Variants in UNC13B observed in about 807,000 individuals in gnomAD.
UNC13B encodes unc-13 homolog B.
UNC13B carries 144 observed loss-of-function variants against 211.0 expected under a neutral mutation model. That is an observed-to-expected ratio of 0.68 (90% CI 0.60 to 0.78). The LOEUF is 0.78. Among genes scored for constraint, UNC13B ranks in the 30% least tolerant of loss-of-function variants. The pLI, the probability that UNC13B is intolerant of heterozygous loss-of-function variation, is 0.00. For synonymous variants in UNC13B, 709 were observed against 725.8 expected (o/e 0.98, Z 0.37); for missense variants, 1,777 against 2,002.0 (o/e 0.89, Z 2.14).
In UNC13B at chr9:35,380,457, A is replaced by G; in HGVS notation, c.10206-13A>G. On this transcript the variant is annotated splice_polypyrimidine_tract_variant and intron_variant, in intron 17 of 39. Coordinates refer to ENST00000635942, the MANE Select transcript of UNC13B (RefSeq NM_001371189.2). The stretch of plus-strand genomic sequence containing the variant: ...GGTCTGCCCCTAACAGAGCCTGCCT[A>G]ATTCTCTCACAGTGAGTGCCACAAC... 6.2e-7 allele frequency: 1 copy of G among 1,613,008 alleles called. No homozygotes were observed. Among genetic ancestry groups the G allele is most frequent in the Non-Finnish European group, 8.5e-7 (1 of 1,179,178 alleles).
intron 13 of UNC13B, among the ~76,000 whole-genome samples, chr9:35,372,218 G>T (rs568558568): frequency 6.6e-6 from 1 of 152,342 alleles, no homozygotes; most frequent in African/African-American, 2.4e-5. Context: ...GTTGCAATGA[G>T]CTGAGATCGC....
At chr9:35,165,354 A>G (rs1820977572) in intron 1 of UNC13B, among the ~76,000 whole-genome samples, 1 of 151,968 alleles carries the variant, frequency 6.6e-6, no homozygotes, top group Non-Finnish European at 1.5e-5. Context: ...CAGAAATTGA[A>G]TGAGTGGTAA....
intron 1 of UNC13B, among the ~76,000 whole-genome samples, chr9:35,173,425 CTT>C (rs11306638): frequency 1.4e-4 from 20 of 142,426 alleles, no homozygotes; most frequent in African/African-American, 1.5e-4. Context: ...CATAATCTAT[CTT>C]TTTTTTTTTT....
At chr9:35,166,171 C>A (rs1821029028) in intron 1 of UNC13B, among the ~76,000 whole-genome samples, 1 of 152,124 alleles carries the variant, frequency 6.6e-6, no homozygotes, top group Non-Finnish European at 1.5e-5. Context: ...CACTTGAGGA[C>A]ATGAGTTTGA....
At chr9:35,394,855 CAGTT>C (rs1277877942) in intron 26 of UNC13B, among the ~76,000 whole-genome samples, 5 of 152,128 alleles carry the variant, frequency 3.3e-5, no homozygotes, top group Admixed American at 2.6e-4. Context: ...CAGAACTTGT[CAGTT>C]AGTTTTTATA....
intron 7 of UNC13B, among the ~76,000 whole-genome samples, chr9:35,290,602 C>T (rs1035896339): frequency 6.6e-6 from 1 of 151,342 alleles, no homozygotes; most frequent in Non-Finnish European, 1.5e-5. Flanking sequence ...CTCCCTTACC[C>T]ATGGTATCAG....
At chr9:35,260,046 A>AC (rs1205701216) in intron 7 of UNC13B, among the ~76,000 whole-genome samples, 1 of 147,598 alleles carries the variant, frequency 6.8e-6, no homozygotes, top group Admixed American at 6.7e-5. Context: ...TACAAAAAAA[A>AC]AAAAAAAAAA....
At position 35,162,208 on chromosome 9, in the gene UNC13B, G is replaced by A; in HGVS notation, c.-76G>A. On this transcript the variant is annotated 5_prime_UTR_variant, in exon 1 of 40. Coordinates refer to ENST00000635942, the MANE Select transcript of UNC13B (RefSeq NM_001371189.2). ...CGTGGGGCCGGTAACGAGAGCAGTC[G>A]CGGCACCTGCTGAGAGGAAAGAGGG... 1 of 1,539,486 alleles carries A rather than the reference G, an allele frequency of 6.5e-7. No individual in the cohort carries two copies. The highest frequency in any genetic ancestry group is 8.7e-7 in the Non-Finnish European group (1 of 1,145,490).
intron 2 of UNC13B, among the ~76,000 whole-genome samples, chr9:35,228,744 G>A (rs984068172): frequency 1.5e-5 from 2 of 137,408 alleles, no homozygotes; most frequent in African/African-American, 2.7e-5. Flanking sequence ...GTGTGTGTGT[G>A]TGTGTATGTG....
chr9:35,278,885 A>G (rs1267398050), intron 7 of UNC13B, among the ~76,000 whole-genome samples: 2 of 152,132 alleles, frequency 1.3e-5, no homozygotes, highest in South Asian at 2.1e-4. Context: ...ATTTCTCTAG[A>G]AAGAGTTTAT....
At chr9:35,341,567 G>A (rs778179476) in intron 11 of UNC13B, among the ~76,000 whole-genome samples, 2 of 152,092 alleles carry the variant, frequency 1.3e-5, no homozygotes, top group Admixed American at 6.5e-5. Flanking sequence ...TGAAAGTATA[G>A]GTCTCCATCT....
chr9:35,357,980 A>G (rs1304432614), intron 11 of UNC13B, among the ~76,000 whole-genome samples: 2 of 151,838 alleles, frequency 1.3e-5, no homozygotes, highest in Non-Finnish European at 2.9e-5. Flanking sequence ...GGCAACCACT[A>G]CTCTACTTTC....
intron 1 of UNC13B, among the ~76,000 whole-genome samples, chr9:35,224,502 T>C (rs1203803065): frequency 6.6e-6 from 1 of 152,248 alleles, no homozygotes; most frequent in East Asian, 1.9e-4. Flanking sequence ...ACTGAATATA[T>C]TGATCAGATC....
chr9:35,382,599 G>T (rs964327014), intron 21 of UNC13B, 92 bp downstream of exon 21: 16 of 1,452,374 alleles, frequency 1.1e-5, no homozygotes, highest in Non-Finnish European at 1.5e-5. Context: ...GTCTCGCTCT[G>T]TTGCCCAGGC....
intron 7 of UNC13B, among the ~76,000 whole-genome samples, chr9:35,292,325 T>C (rs1205416253): frequency 3.3e-5 from 5 of 152,196 alleles, no homozygotes; most frequent in African/African-American, 1.2e-4. Context: ...CAGCCTACTT[T>C]TGCAGGTTTT....
intron 11 of UNC13B, among the ~76,000 whole-genome samples, chr9:35,326,241 T>C (rs1451833471): frequency 6.6e-6 from 1 of 152,218 alleles, no homozygotes; most frequent in Non-Finnish European, 1.5e-5. Context: ...TATCTTTTCA[T>C]GTGCTTATTG....
chr9:35,260,855 A>C (rs991326978), intron 7 of UNC13B, among the ~76,000 whole-genome samples: 1 of 152,136 alleles, frequency 6.6e-6, no homozygotes, highest in African/African-American at 2.4e-5. Flanking sequence ...ATGAGAAGCA[A>C]AATGTAAAGA....
chr9:35,202,606 G>A (rs1312699062), intron 1 of UNC13B, among the ~76,000 whole-genome samples: 1 of 151,900 alleles, frequency 6.6e-6, no homozygotes, highest in Non-Finnish European at 1.5e-5. Context: ...TTATGTAATG[G>A]CCTTCTTTGT....
At chr9:35,309,724 G>T (rs1830094444) in intron 9 of UNC13B, among the ~76,000 whole-genome samples, 1 of 152,192 alleles carries the variant, frequency 6.6e-6, no homozygotes, top group Non-Finnish European at 1.5e-5. Context: ...CCAGATCCTG[G>T]AGTTGGACTT....
Sources: gnomAD v4.1 joint callset for allele counts (sites outside exome capture counted in the v4.1 genomes callset) on GRCh38, gnomAD v4.1.1 for gene constraint, MANE v1.5 for transcripts, NCBI Gene and HGNC (gene_info 2026-07-23, HGNC 2026-07-21) for gene names.